The following KLF12 variants were observed in gnomAD, a reference collection of about 807,000 sequenced individuals.
KLF12 encodes the protein KLF transcription factor 12, also known as Krueppel-like factor 12.
Under a neutral mutation model 37.8 loss-of-function variants are expected in KLF12, and 9 were observed. The ratio of observed to expected loss-of-function variants is 0.24; its 90% CI spans 0.14 to 0.42. The LOEUF (loss-of-function observed/expected upper bound fraction) is 0.42, where lower values mean the gene tolerates loss of function less well. Among genes scored for constraint, KLF12 ranks in the 10% least tolerant of loss-of-function variants. KLF12 has a pLI of 1.00. For missense variants in KLF12, 411 were observed against 516.0 expected (o/e 0.80, Z 1.97); for synonymous variants, 208 against 202.1 (o/e 1.03, Z -0.25).
intron 6 of KLF12, among the ~76,000 whole-genome samples, chr13:73,718,764 T>G (rs1483128356): frequency 1.3e-5 from 2 of 152,122 alleles, no homozygotes; most frequent in African/African-American, 4.8e-5. Context: ...CGTGGTGGCA[T>G]GTGCCTGTAG....
At chr13:74,193,322 C>G in the KLF12 span, among the ~76,000 whole-genome samples, 1 of 152,084 alleles carries the variant, frequency 6.6e-6, no homozygotes, top group Non-Finnish European at 1.5e-5. Context: ...AACCACTGGG[C>G]TAAGTGGTCT....
At chr13:73,846,401 T>G in intron 3 of KLF12, 28 bp from the exon 4 acceptor site, 1 of 1,556,404 alleles carries the variant, frequency 6.4e-7, no homozygotes, top group Non-Finnish European at 8.7e-7. Flanking sequence ...GAACATATAT[T>G]TATCTTTGTT....
chr13:74,241,971 C>A, the KLF12 span, among the ~76,000 whole-genome samples: 9 of 152,120 alleles, frequency 5.9e-5, no homozygotes, highest in African/African-American at 1.9e-4. Context: ...CTCCTCCCCC[C>A]AGGTACCGAA....
At chr13:74,032,970 T>C (rs1893151747) in intron 1 of KLF12, among the ~76,000 whole-genome samples, 1 of 152,218 alleles carries the variant, frequency 6.6e-6, no homozygotes, top group Admixed American at 6.5e-5. Flanking sequence ...CCCTAACAGC[T>C]ACCTCCACAA....
chr13:74,090,822 C>T (rs553350111), intron 1 of KLF12, among the ~76,000 whole-genome samples: 1 of 150,518 alleles, frequency 6.6e-6, no homozygotes, highest in Admixed American at 6.6e-5. Flanking sequence ...ATGTCATTCA[C>T]AGGACAAAAC....
chr13:73,738,124 T>TATATATATATAC (rs1305200790), intron 6 of KLF12, among the ~76,000 whole-genome samples: 1 of 81,930 alleles, frequency 1.2e-5, no homozygotes, highest in Non-Finnish European at 2.2e-5. Flanking sequence ...TATATATATA[T>TATATATATATAC]ACACACACAC....
At chr13:73,909,423 T>C (rs1046587502) in intron 3 of KLF12, among the ~76,000 whole-genome samples, 1 of 152,204 alleles carries the variant, frequency 6.6e-6, no homozygotes, top group Admixed American at 6.5e-5. Flanking sequence ...ACATCAACAA[T>C]AAATCTTTCA....
intron 3 of KLF12, among the ~76,000 whole-genome samples, chr13:73,925,297 G>A (rs1889321179): frequency 2.6e-5 from 4 of 152,218 alleles, no homozygotes; most frequent in Admixed American, 2.0e-4. Context: ...ACAGGCTAAT[G>A]TAGCTGGTGA....
At chr13:73,995,560 G>A in intron 1 of KLF12, among the ~76,000 whole-genome samples, 1 of 152,060 alleles carries the variant, frequency 6.6e-6, no homozygotes, top group East Asian at 1.9e-4. Flanking sequence ...GCAAAATAAT[G>A]AATACAAATA....
chr13:73,787,410 T>C (rs1017879185), intron 5 of KLF12, among the ~76,000 whole-genome samples: 2 of 152,238 alleles, frequency 1.3e-5, no homozygotes, highest in Non-Finnish European at 2.9e-5. Context: ...GGGTAAAATA[T>C]AGTCCCTTTC....
At chr13:73,922,724 T>C (rs1566461643) in intron 3 of KLF12, among the ~76,000 whole-genome samples, 1 of 152,208 alleles carries the variant, frequency 6.6e-6, no homozygotes, top group Non-Finnish European at 1.5e-5. Flanking sequence ...GCACACTTTC[T>C]GCACTGTCCT....
Position 74,084,052 on chromosome 13 carries a change from A to T in KLF12, c.-32+49687T>A, listed in dbSNP as rs1307984759. Reference sequence around the variant, plus strand: ...TAAAGTGTAACAGAATAATTTAAATAATAAAATCATCTATTTTAATGTTAC... The same window carrying T: ...TAAAGTGTAACAGAATAATTTAAATTATAAAATCATCTATTTTAATGTTAC... On this transcript the variant is annotated intron_variant, in intron 1 of 7. Transcript: ENST00000377669. 3.9e-5 allele frequency among the ~76,000 whole-genome samples: 6 copies of T among 152,312 alleles called. No homozygotes were observed. In the East Asian group the frequency reaches 1.2e-3, roughly 29 times the overall value.
intron 2 of KLF12, among the ~76,000 whole-genome samples, chr13:73,977,688 T>C (rs920466229): frequency 3.9e-5 from 6 of 152,192 alleles, no homozygotes; most frequent in African/African-American, 1.4e-4. Context: ...AGAACAATGT[T>C]GAAGAAATGA....
At chr13:73,751,963 C>A (rs1229791673) in intron 6 of KLF12, among the ~76,000 whole-genome samples, 1 of 152,042 alleles carries the variant, frequency 6.6e-6, no homozygotes, top group Non-Finnish European at 1.5e-5. Context: ...TACATTCATA[C>A]AGCTTCTGTC....
chr13:73,857,437 T>C (rs1374681035), intron 3 of KLF12, among the ~76,000 whole-genome samples: 1 of 152,248 alleles, frequency 6.6e-6, no homozygotes, highest in Non-Finnish European at 1.5e-5. Context: ...GGAAACTTCA[T>C]ATGTTAAAAT....
At chr13:73,888,026 G>A (rs1422535942) in intron 3 of KLF12, among the ~76,000 whole-genome samples, 10 of 150,180 alleles carry the variant, frequency 6.7e-5, no homozygotes, top group Non-Finnish European at 3.0e-5. Flanking sequence ...TTTTTGAGAT[G>A]GAGTCTCACT....
At chr13:73,708,111 A>G (rs2137628360) in intron 7 of KLF12, among the ~76,000 whole-genome samples, 1 of 152,356 alleles carries the variant, frequency 6.6e-6, no homozygotes, top group African/African-American at 2.4e-5. Flanking sequence ...TCTGGAAACC[A>G]TTAAATCAGA....
At chr13:74,120,543 T>C (rs946786857) in intron 1 of KLF12, among the ~76,000 whole-genome samples, 7 of 151,914 alleles carry the variant, frequency 4.6e-5, no homozygotes, top group Non-Finnish European at 7.4e-5. Flanking sequence ...AAAATTAATA[T>C]GATACTATAT....
chr13:74,062,427 T>C (rs895580955), intron 1 of KLF12, among the ~76,000 whole-genome samples: 4 of 152,240 alleles, frequency 2.6e-5, no homozygotes, highest in African/African-American at 9.6e-5. Context: ...GATGATTTTA[T>C]GATCAATCAA....
Sources: gnomAD v4.1 joint callset for allele counts (sites outside exome capture counted in the v4.1 genomes callset) on GRCh38, gnomAD v4.1.1 for gene constraint, MANE v1.5 for transcripts, NCBI Gene and HGNC (gene_info 2026-07-23, HGNC 2026-07-21) for gene names.